Variants in ANK3 observed in about 807,000 individuals in gnomAD.
ANK3 encodes the protein ankyrin 3.
Under a neutral mutation model 370.9 loss-of-function variants are expected in ANK3, and 57 were observed. That is an observed-to-expected ratio of 0.15 (90% CI 0.12 to 0.19). The LOEUF (loss-of-function observed/expected upper bound fraction) is 0.19. Ranked by LOEUF, ANK3 falls within the 10% of genes least tolerant of loss-of-function variation. The pLI, the probability that ANK3 is intolerant of heterozygous loss-of-function variation, is 1.00. For missense variants in ANK3, 4,439 were observed against 5,302.1 expected, an observed-to-expected ratio of 0.84 and a Z score of 5.06; for synonymous variants, 1,929 against 1,946.3, an observed-to-expected ratio of 0.99 and a Z score of 0.23.
At chr10:60,288,455 G>T (rs935686196) in intron 1 of ANK3, among the ~76,000 whole-genome samples, 23 of 152,290 alleles carry the variant, frequency 1.5e-4, no homozygotes, top group African/African-American at 5.5e-4. Flanking sequence ...AGTCAGAGAA[G>T]CTCATCGGGA....
At chr10:60,253,647 T>C (rs1264042435) in intron 7 of ANK3, among the ~76,000 whole-genome samples, 2 of 152,216 alleles carry the variant, frequency 1.3e-5, no homozygotes, top group Non-Finnish European at 2.9e-5. Flanking sequence ...GAAATGTTAA[T>C]ATCACCATGG....
chr10:60,202,969 A>G (rs779964148), intron 12 of ANK3, 33 bp downstream of exon 12: 1 of 1,488,730 alleles, frequency 6.7e-7, no homozygotes, highest in East Asian at 2.3e-5. Context: ...TTAAATACTC[A>G]CAATGGACCT....
chr10:60,254,814 G>A (rs2097713282), intron 7 of ANK3, among the ~76,000 whole-genome samples: 2 of 152,202 alleles, frequency 1.3e-5, no homozygotes. Context: ...ATTTTGATAG[G>A]CTAGGGAGAG....
At chr10:60,418,815 T>C (rs921054838) in intron 2 of ANK3, among the ~76,000 whole-genome samples, 7 of 152,066 alleles carry the variant, frequency 4.6e-5, no homozygotes, top group Non-Finnish European at 7.4e-5. Context: ...AGCCTAAAAA[T>C]TATTTAATTC....
chr10:60,386,809 G>C (rs2062404927), intron 1 of ANK3, among the ~76,000 whole-genome samples: 1 of 152,084 alleles, frequency 6.6e-6, no homozygotes, highest in South Asian at 2.1e-4. Context: ...TTATAAACTA[G>C]ATACTCTTTA....
chr10:60,623,717 G>A (rs2078370176), intron 1 of ANK3, among the ~76,000 whole-genome samples: 1 of 152,174 alleles, frequency 6.6e-6, no homozygotes, highest in Non-Finnish European at 1.5e-5. Context: ...TCAGCAGTAA[G>A]GAATTAACCT....
At chr10:60,387,987 C>T (rs1312968528) in intron 1 of ANK3, among the ~76,000 whole-genome samples, 1 of 151,960 alleles carries the variant, frequency 6.6e-6, no homozygotes, top group Non-Finnish European at 1.5e-5. Context: ...TAGTTTATCA[C>T]GGTGGGGGTA....
rs1464380158 is a variant in ANK3 at position 60,070,045 on chromosome 10, A to G, written c.10836T>C (p.Thr3612=). The G allele has an allele frequency of 3.1e-6, 5 of 1,614,080 alleles. No individual in the cohort carries two copies. Among genetic ancestry groups the G allele is most frequent in the Non-Finnish European group, 4.2e-6 (5 of 1,180,006 alleles). ...PFHEGKMFEM[T]RSGAIDMSKR... ...TGCTCATGTCAATTGCACCACTGCG[A>G]GTCATCTCAAACATTTTTCCTTCAT... Residue 3612 remains threonine (T), a synonymous_variant, in exon 37 of 44, where the codon ACT becomes ACC. Transcript: ENST00000280772. The surrounding 1 kb of genome is among the most constrained non-coding windows in gnomAD (Gnocchi z 5.7).
At chr10:60,554,394 C>T (rs1213208171) in intron 2 of ANK3, among the ~76,000 whole-genome samples, 1 of 152,120 alleles carries the variant, frequency 6.6e-6, no homozygotes, top group African/African-American at 2.4e-5. Context: ...TGCTGGGCTC[C>T]AAACTGGTGG....
intron 1 of ANK3, among the ~76,000 whole-genome samples, chr10:60,708,028 C>G (rs1195244125): frequency 1.3e-5 from 2 of 152,226 alleles, no homozygotes; most frequent in Non-Finnish European, 2.9e-5. Flanking sequence ...CTCCTCCCCA[C>G]TGCAAAGGAC....
At position 60,675,626 on chromosome 10, in the gene ANK3, G is replaced by A. The variant is rs113609337; in HGVS notation, c.57+57637C>T. ...GAAATAAGAAGTTCCAATGAAACAAGTAACATATACTAAATTTGAGTGGTT... is the reference window on the plus strand; with the variant it reads ...GAAATAAGAAGTTCCAATGAAACAAATAACATATACTAAATTTGAGTGGTT... On this transcript the variant is annotated intron_variant, in intron 1 of 43. Transcript: ENST00000373827. 9.5e-4 allele frequency among the ~76,000 whole-genome samples: 145 copies of A among 152,280 alleles called. 1 individual carries two copies. Among genetic ancestry groups the A allele is most frequent in the Middle Eastern group, 6.8e-3 (2 of 294 alleles).
chr10:60,549,532 T>C (rs2077044184), intron 2 of ANK3, among the ~76,000 whole-genome samples: 1 of 152,126 alleles, frequency 6.6e-6, no homozygotes, highest in Non-Finnish European at 1.5e-5. Flanking sequence ...AGGTACATAA[T>C]TAACTGAACT....
chr10:60,210,653 T>C (rs2096838793), intron 9 of ANK3, among the ~76,000 whole-genome samples: 1 of 152,198 alleles, frequency 6.6e-6, no homozygotes, highest in African/African-American at 2.4e-5. Flanking sequence ...AAAGCAGTAA[T>C]GGATTTAAAG....
At chr10:60,451,847 T>C (rs2064612402) in intron 2 of ANK3, among the ~76,000 whole-genome samples, 1 of 152,210 alleles carries the variant, frequency 6.6e-6, no homozygotes. Flanking sequence ...AGGAACTGAG[T>C]GATTTTTGCC....
chr10:60,708,516 A>G (rs889443516), intron 1 of ANK3, among the ~76,000 whole-genome samples: 1 of 152,200 alleles, frequency 6.6e-6, no homozygotes, highest in African/African-American at 2.4e-5. Context: ...CAGATAGAAG[A>G]AAACCCCTCT....
intron 23 of ANK3, among the ~76,000 whole-genome samples, chr10:60,165,792 A>T (rs1200788158): frequency 6.6e-6 from 1 of 152,182 alleles, no homozygotes; most frequent in Non-Finnish European, 1.5e-5. Context: ...GTATTTGATG[A>T]TCTCCCATCA....
At chr10:60,392,097 C>A (rs1366975445), upstream of ANK3, among the ~76,000 whole-genome samples, 3 of 152,166 alleles carry the variant, frequency 2.0e-5, no homozygotes, top group Non-Finnish European at 4.4e-5. Context: ...GGCTAAATCC[C>A]TTTCTCCCTA....
chr10:60,678,217 A>T (rs1410025258), intron 1 of ANK3, among the ~76,000 whole-genome samples: 1 of 152,256 alleles, frequency 6.6e-6, no homozygotes, highest in East Asian at 1.9e-4. Context: ...AAGGTTGCAG[A>T]ATCCAACAAG....
intron 2 of ANK3, among the ~76,000 whole-genome samples, chr10:60,457,641 GAACATGA>G (rs1335813790): frequency 6.6e-6 from 1 of 152,090 alleles, no homozygotes; most frequent in Non-Finnish European, 1.5e-5. Flanking sequence ...ATTGGAAGAG[GAACATGA>G]AAGGATGGAG....
Sources: allele counts gnomAD v4.1 joint callset (sites outside exome capture counted in the v4.1 genomes callset), GRCh38; gene constraint gnomAD v4.1.1; non-coding constraint Gnocchi (gnomAD v3.1); transcripts MANE v1.5; gene names NCBI Gene and HGNC (gene_info 2026-07-23, HGNC 2026-07-21).